The following TEX52 variants were observed in gnomAD, a reference collection of about 807,000 sequenced individuals.
TEX52 encodes testis expressed 52.
A neutral mutation model predicts 17.6 loss-of-function variants in TEX52; 22 were observed. The observed-to-expected ratio is 1.25, with a 90% CI of 0.89 to 1.78. The LOEUF is 1.78. Ranked by LOEUF, TEX52 falls within the 40% of genes most tolerant of loss-of-function variation. TEX52 has a pLI of 0.00. For synonymous variants in TEX52, 168 were observed against 147.4 expected (o/e 1.14, Z -1.01); for missense variants, 396 against 372.3 (o/e 1.06, Z -0.52).
At position 2,849,387 on chromosome 12, in the gene TEX52, C is replaced by G; in HGVS notation, c.762G>C (p.Leu254=). ...LPHYQEKVLK[L]ALLPSAPLSQ... is the part of the protein sequence containing the mutation. The stretch of plus-strand genomic sequence containing the variant: ...TCAGGGGCGCGCTGGGCAGCAAGGC[C>G]AGCTTTAGCACCTTCTCCTGGTAGT... Residue 254 remains leucine (L), a synonymous_variant, in exon 3 of 3, where the codon CTG becomes CTC. Coordinates refer to ENST00000637658, the MANE Select transcript of TEX52 (RefSeq NM_001365174.2). The G allele has an allele frequency of 2.6e-6, 4 of 1,536,176 alleles. No homozygotes were observed. Among genetic ancestry groups the G allele is most frequent in the Non-Finnish European group, 3.5e-6 (4 of 1,146,914 alleles).
chr12:2,856,393 T>C (rs971244470), intron 1 of TEX52, among the ~76,000 whole-genome samples: 2 of 152,206 alleles, frequency 1.3e-5, no homozygotes, highest in East Asian at 3.9e-4. Flanking sequence ...AGATGGAGTT[T>C]CACTCTTGTT....
Position 2,857,018 on chromosome 12 carries a change from A to C in TEX52, c.9T>G (p.Ser3Arg). 1.4e-6 allele frequency: 1 copy of C among 702,968 alleles called. No homozygotes were observed. The highest frequency in any genetic ancestry group is 2.6e-6 in the Non-Finnish European group (1 of 384,984). The allele number at this position is 702,968 out of a possible 1,614,324, so 43.5% of individuals were successfully genotyped here. The change falls in exon 1 of 3, where the codon AGT becomes AGG. Residue 3 changes from serine (S) to arginine (R), a missense_variant. Ser to Arg is a moderately radical substitution (Grantham distance 110). Coordinates refer to ENST00000637658, the MANE Select transcript of TEX52 (RefSeq NM_001365174.2). ...GCCCTCTGAGTGATCTTTGCCGGTTACTGGCCATTCTTCTGGGCCTCAGAG... is the reference window on the plus strand; with the variant it reads ...GCCCTCTGAGTGATCTTTGCCGGTTCCTGGCCATTCTTCTGGGCCTCAGAG... MA[S>R]NRQRSLRGPS... is the part of the protein sequence containing the mutation.
rs116362754 is a variant in TEX52 at position 2,852,984 on chromosome 12, A to G, written c.623+1912T>C. Among the ~76,000 whole-genome samples, 993 of 151,502 alleles carry G rather than the reference A, an allele frequency of 6.6e-3. 10 individuals carry two copies. The highest frequency in any genetic ancestry group is 0.022 in the African/African-American group (900 of 41,248). On this transcript the variant is annotated intron_variant, in intron 2 of 2. Transcript: ENST00000637658. ...CACTGCACTCTAGCATGGGCAACAG[A>G]GGAAGACTCTGCCTCAAAAAAAAAG...
chr12:2,854,714 C>A (rs936724816), intron 2 of TEX52, among the ~76,000 whole-genome samples, 182 bp downstream of exon 2: 1 of 152,164 alleles, frequency 6.6e-6, no homozygotes, highest in Non-Finnish European at 1.5e-5. Flanking sequence ...CTCCCTGCCT[C>A]CACTCGCTGT....
intron 2 of TEX52, among the ~76,000 whole-genome samples, chr12:2,852,835 T>C (rs1161892116): frequency 6.6e-6 from 1 of 151,844 alleles, no homozygotes; most frequent in Non-Finnish European, 1.5e-5. Flanking sequence ...CCGTCTCTAC[T>C]AAAAAGTACA....
chr12:2,847,757 A>C (rs2098057594), downstream of TEX52, among the ~76,000 whole-genome samples: 1 of 151,562 alleles, frequency 6.6e-6, no homozygotes, highest in Admixed American at 6.6e-5. Flanking sequence ...TTCTGTCTCT[A>C]TACGTTTGCC....
At chr12:2,850,541 T>C (rs2098066778) in intron 2 of TEX52, among the ~76,000 whole-genome samples, 1 of 151,482 alleles carries the variant, frequency 6.6e-6, no homozygotes, top group Middle Eastern at 3.2e-3. Flanking sequence ...TACATGTAAA[T>C]GTTGTATTTC....
intron 2 of TEX52, among the ~76,000 whole-genome samples, chr12:2,852,260 T>C (rs1259374107): frequency 6.6e-6 from 1 of 152,202 alleles, no homozygotes; most frequent in African/African-American, 2.4e-5. Context: ...CCTACTGTCA[T>C]GGAGATACCA....
At chr12:2,850,564 A>C (rs2098066867) in intron 2 of TEX52, among the ~76,000 whole-genome samples, 1 of 151,850 alleles carries the variant, frequency 6.6e-6, no homozygotes, top group African/African-American at 2.4e-5. Flanking sequence ...CAACAAGATC[A>C]TGCTTACATC....
rs769525382 is a variant in TEX52, at chr12:2,855,397, C to T, written c.122G>A (p.Arg41His). 2.1e-4 allele frequency: 232 copies of T among 1,089,410 alleles called. No homozygotes were observed. Among genetic ancestry groups the T allele is most frequent in the Middle Eastern group, 1.1e-3 (4 of 3,738 alleles). The allele number at this position is 1,089,410 out of a possible 1,614,324, so 67.5% of individuals were successfully genotyped here. A position where few individuals can be genotyped will look rare whatever the true frequency, so the allele number is the denominator to read the frequency against. ...SLPPSQTWAQ[R>H]EFFLPSESWE... Reference sequence around the variant, plus strand: ...GGACTCGCTGGGGAGGAAGAACTCACGCTGAGCCCACGTTTGGGAGGGTGG... The same window carrying T: ...GGACTCGCTGGGGAGGAAGAACTCATGCTGAGCCCACGTTTGGGAGGGTGG... The change falls in exon 2 of 3, where the codon CGT becomes CAT. Residue 41 changes from arginine (R) to histidine (H), a missense_variant. Physicochemically the swap from Arg to His is conservative, Grantham distance 29 (BLOSUM62 0). Coordinates refer to ENST00000637658, the MANE Select transcript of TEX52 (RefSeq NM_001365174.2).
chr12:2,849,199 G>A lies in TEX52; in HGVS notation c.*32C>T. ...TGAGAACACTGGAGCCTGGGGCTCT[G>A]GGTATCACGATCGTCCCCTCTGGAA... is the stretch of plus-strand genomic sequence containing the variant. On this transcript the variant is annotated 3_prime_UTR_variant, in exon 3 of 3. Coordinates refer to ENST00000637658, the MANE Select transcript of TEX52 (RefSeq NM_001365174.2). The A allele has an allele frequency of 1.3e-6, 2 of 1,515,648 alleles. No homozygotes were observed. Among genetic ancestry groups the A allele is most frequent in the Non-Finnish European group, 1.8e-6 (2 of 1,138,332 alleles). The allele number at this position is 1,515,648 out of a possible 1,614,324, so 93.9% of individuals were successfully genotyped here.
downstream of TEX52, chr12:2,848,897 A>AC (rs1374659241): frequency 2.9e-4 from 97 of 337,478 alleles, no homozygotes; most frequent in African/African-American, 2.1e-3. Context: ...ACACACACAC[A>AC]CACACACACA....
At chr12:2,851,082 G>A (rs991436781) in intron 2 of TEX52, among the ~76,000 whole-genome samples, 4 of 146,050 alleles carry the variant, frequency 2.7e-5, no homozygotes, top group South Asian at 2.2e-4. Flanking sequence ...CAGGAGAATC[G>A]CTTGAACCCA....
At chr12:2,851,097 G>A (rs1365898909) in intron 2 of TEX52, among the ~76,000 whole-genome samples, 1 of 149,846 alleles carries the variant, frequency 6.7e-6, no homozygotes, top group African/African-American at 2.5e-5. Context: ...AACCCAGGAG[G>A]CAGTGAGCAG....
intron 2 of TEX52, among the ~76,000 whole-genome samples, chr12:2,850,510 A>C (rs922059948): frequency 2.0e-5 from 3 of 149,816 alleles, no homozygotes; most frequent in African/African-American, 7.4e-5. Context: ...GCCCCAGGTC[A>C]TGATAATGGG....
chr12:2,856,939 A>T lies in TEX52; in HGVS notation c.72+16T>A, dbSNP rs768276518. ...GGGTACAAAAAGGTAGGCGGCAGAG[A>T]TGGGCCACCCCCTACCTGCAGGAAA... is the stretch of plus-strand genomic sequence containing the variant. On this transcript the variant is annotated intron_variant, in intron 1 of 2. Coordinates refer to ENST00000637658, the MANE Select transcript of TEX52 (RefSeq NM_001365174.2). 1.4e-6 allele frequency: 1 copy of T among 703,018 alleles called. No homozygotes were observed. Among genetic ancestry groups the T allele is most frequent in the Middle Eastern group, 2.3e-4 (1 of 4,370 alleles). 43.5% of individuals were successfully genotyped at this position (703,018 alleles called of 1,614,324 possible). A position where few individuals can be genotyped will look rare whatever the true frequency, so the allele number is the denominator to read the frequency against.
downstream of TEX52, chr12:2,849,032 A>G (rs1171778611): frequency 3.2e-6 from 2 of 615,594 alleles, no homozygotes; most frequent in South Asian, 4.3e-5. Context: ...AGGAAGAAAT[A>G]TAACAATTTA....
intron 2 of TEX52, among the ~76,000 whole-genome samples, chr12:2,851,671 TA>T (rs142127115): frequency 0.02 from 3,078 of 151,832 alleles, 104 homozygotes; most frequent in African/African-American, 0.07. Flanking sequence ...TAATTTTATT[TA>T]TTTTTTTTAT....
intron 1 of TEX52, among the ~76,000 whole-genome samples, chr12:2,855,996 T>A (rs2098086125): frequency 6.6e-6 from 1 of 152,098 alleles, no homozygotes; most frequent in Admixed American, 6.6e-5. Flanking sequence ...ATTAAAACGC[T>A]AGTATAGAAA....
Sources: gnomAD v4.1 joint callset for allele counts (sites outside exome capture counted in the v4.1 genomes callset) on GRCh38, gnomAD v4.1.1 for gene constraint, MANE v1.5 for transcripts, NCBI Gene and HGNC (gene_info 2026-07-23, HGNC 2026-07-21) for gene names.